Variants in NRG3 observed in about 807,000 individuals in gnomAD.
NRG3 encodes the protein neuregulin 3.
Under a neutral mutation model 66.9 loss-of-function variants are expected in NRG3, and 31 were observed. That is an observed-to-expected ratio of 0.46 (90% CI 0.35 to 0.63). The LOEUF is 0.63. Ranked by LOEUF, NRG3 falls within the 20% of genes least tolerant of loss-of-function variation. The pLI, the probability that NRG3 is intolerant of heterozygous loss-of-function variation, is 0.00. For missense variants in NRG3, 910 were observed against 878.9 expected (o/e 1.04, Z -0.45); for synonymous variants, 393 against 359.4 (o/e 1.09, Z -1.06).
At chr10:82,469,500 G>T (rs184115231) in intron 2 of NRG3, among the ~76,000 whole-genome samples, 56 of 152,208 alleles carry the variant, frequency 3.7e-4, no homozygotes, top group Non-Finnish European at 6.8e-4. Context: ...GCGTGGTGTT[G>T]GGGGAAAGGT....
At chr10:82,884,165 G>T (rs1327430096) in intron 4 of NRG3, among the ~76,000 whole-genome samples, 2 of 151,228 alleles carry the variant, frequency 1.3e-5, no homozygotes, top group Non-Finnish European at 3.0e-5. Flanking sequence ...CCCTTGGGGG[G>T]AAAAAAAAGA....
At chr10:82,090,604 G>A (rs111770740) in intron 1 of NRG3, among the ~76,000 whole-genome samples, 36 of 152,266 alleles carry the variant, frequency 2.4e-4, no homozygotes, top group African/African-American at 8.4e-4. Context: ...TTTACAGCAT[G>A]ATGCTGCCAT....
At chr10:82,642,001 A>G (rs1384982179) in intron 2 of NRG3, among the ~76,000 whole-genome samples, 1 of 151,940 alleles carries the variant, frequency 6.6e-6, no homozygotes, top group Non-Finnish European at 1.5e-5. Flanking sequence ...CCAAGTCCCT[A>G]TTGTTTATTA....
At chr10:82,588,589 G>A (rs918589738) in intron 2 of NRG3, among the ~76,000 whole-genome samples, 10 of 151,834 alleles carry the variant, frequency 6.6e-5, no homozygotes, top group African/African-American at 1.7e-4. Context: ...TGCAAGCTCC[G>A]CCTCCCGGGT....
At chr10:82,029,022 A>G (rs2062444873) in intron 1 of NRG3, among the ~76,000 whole-genome samples, 1 of 152,066 alleles carries the variant, frequency 6.6e-6, no homozygotes, top group Non-Finnish European at 1.5e-5. Context: ...CAGACTGGCC[A>G]ACATGGTAAA....
chr10:82,918,582 C>T (rs903951125), intron 4 of NRG3, among the ~76,000 whole-genome samples: 7 of 152,140 alleles, frequency 4.6e-5, no homozygotes, highest in African/African-American at 7.2e-5. Context: ...TGCCAACTTA[C>T]GTGGCAAGTT....
intron 2 of NRG3, among the ~76,000 whole-genome samples, chr10:82,400,555 T>G (rs1168699389): frequency 6.7e-6 from 1 of 148,774 alleles, no homozygotes; most frequent in Admixed American, 6.7e-5. Flanking sequence ...CTCGGTCAAG[T>G]ACATGAGGCA....
chr10:82,613,897 C>T (rs373410019), intron 2 of NRG3, among the ~76,000 whole-genome samples: 3 of 136,206 alleles, frequency 2.2e-5, no homozygotes, highest in Non-Finnish European at 3.1e-5. Flanking sequence ...TCCATGTGTT[C>T]TCATTGTTTA....
intron 1 of NRG3, among the ~76,000 whole-genome samples, chr10:82,342,962 G>T (rs1316449214): frequency 6.6e-6 from 1 of 151,930 alleles, no homozygotes; most frequent in African/African-American, 2.4e-5. Context: ...AGAGATATGG[G>T]TATGGTTTCA....
At chr10:81,919,673 A>G (rs1846064755) in intron 1 of NRG3, among the ~76,000 whole-genome samples, 1 of 152,138 alleles carries the variant, frequency 6.6e-6, no homozygotes, top group African/African-American at 2.4e-5. Context: ...TCCCCCAAAA[A>G]TTATTGAGGG....
intron 2 of NRG3, among the ~76,000 whole-genome samples, chr10:82,525,666 A>G (rs1846625354): frequency 6.6e-6 from 1 of 151,886 alleles, no homozygotes; most frequent in Admixed American, 6.6e-5. Context: ...TATCAAATAT[A>G]ATCAAACCTA....
At chr10:82,226,705 T>C (rs2076180324) in intron 1 of NRG3, among the ~76,000 whole-genome samples, 1 of 152,262 alleles carries the variant, frequency 6.6e-6, no homozygotes, top group African/African-American at 2.4e-5. Flanking sequence ...CTCTATGAAA[T>C]AGTTGTTATT....
rs1022160094 is a variant in NRG3 at position 82,534,116 on chromosome 10, G to A, written c.953+175248G>A. Reference sequence around the variant, plus strand: ...AAACTATAAAAATCATGAATTAAACGAGACACACAGAAATGGAAAGGTATT... The same window carrying A: ...AAACTATAAAAATCATGAATTAAACAAGACACACAGAAATGGAAAGGTATT... On this transcript the variant is annotated intron_variant, in intron 2 of 8. Coordinates refer to ENST00000372141, the MANE Select transcript of NRG3 (RefSeq NM_001010848.4). Among the ~76,000 whole-genome samples the A allele has an allele frequency of 2.6e-5, 4 of 151,980 alleles. 1 individual carries two copies. Among genetic ancestry groups the A allele is most frequent in the East Asian group, 3.9e-4 (2 of 5,192 alleles).
intron 1 of NRG3, among the ~76,000 whole-genome samples, chr10:82,213,712 T>C (rs930113080): frequency 6.6e-6 from 1 of 152,142 alleles, no homozygotes; most frequent in Non-Finnish European, 1.5e-5. Flanking sequence ...ACAGCATGAG[T>C]TTAATGAATG....
chr10:82,555,833 G>T (rs982200161), intron 2 of NRG3, among the ~76,000 whole-genome samples: 3 of 152,100 alleles, frequency 2.0e-5, no homozygotes, highest in Non-Finnish European at 2.9e-5. Context: ...TTTTGAAAAA[G>T]AAAGAAAAAT....
At chr10:82,112,966 T>TC (rs1452066983) in intron 1 of NRG3, among the ~76,000 whole-genome samples, 1 of 152,092 alleles carries the variant, frequency 6.6e-6, no homozygotes, top group Non-Finnish European at 1.5e-5. Flanking sequence ...GCTCATCTTC[T>TC]CCCCCACACT....
intron 1 of NRG3, among the ~76,000 whole-genome samples, chr10:82,013,847 A>T (rs1589783051): frequency 6.6e-6 from 1 of 152,186 alleles, no homozygotes; most frequent in Admixed American, 6.5e-5. Context: ...AAGAACAAAA[A>T]TAATGACAAT....
intron 1 of NRG3, among the ~76,000 whole-genome samples, chr10:82,091,183 C>A (rs1013907703): frequency 6.6e-6 from 1 of 152,112 alleles, no homozygotes; most frequent in Non-Finnish European, 1.5e-5. Flanking sequence ...ACCATTCAAA[C>A]ATGTGGCTTA....
intron 1 of NRG3, among the ~76,000 whole-genome samples, chr10:81,939,125 G>A (rs1030477998): frequency 6.6e-6 from 1 of 152,002 alleles, no homozygotes; most frequent in South Asian, 2.1e-4. Flanking sequence ...TGGTAATGGT[G>A]TGTAATCTTT....
Sources: allele counts gnomAD v4.1 joint callset (sites outside exome capture counted in the v4.1 genomes callset), GRCh38; gene constraint gnomAD v4.1.1; transcripts MANE v1.5; gene names NCBI Gene and HGNC (gene_info 2026-07-23, HGNC 2026-07-21).